ATP8A2: variants seen among roughly 807,000 people sequenced by gnomAD.
ATP8A2 encodes the protein phospholipid-transporting ATPase IB.
Under a neutral mutation model 165.6 loss-of-function variants are expected in ATP8A2, and 100 were observed. The observed-to-expected ratio is 0.60, with a 90% CI of 0.51 to 0.71. The LOEUF (loss-of-function observed/expected upper bound fraction) is 0.71, where lower values mean the gene tolerates loss of function less well. Ranked by LOEUF, ATP8A2 falls within the 30% of genes least tolerant of loss-of-function variation. The pLI is 0.00. For missense variants in ATP8A2, 1,227 were observed against 1,479.5 expected (o/e 0.83, Z 2.80); for synonymous variants, 543 against 548.8 (o/e 0.99, Z 0.15).
At position 26,023,960 on chromosome 13, in the gene ATP8A2, A is replaced by T. The variant is rs1217029653; in HGVS notation, c.*3975A>T. The T allele has an allele frequency of 6.6e-6, 1 of 152,234 alleles. No homozygotes were observed. The highest frequency in any genetic ancestry group is 2.4e-5 in the African/African-American group (1 of 41,452). 9.4% of individuals were successfully genotyped at this position (152,234 alleles called of 1,614,324 possible). On this transcript the variant is annotated 3_prime_UTR_variant, in exon 37 of 37. Transcript: ENST00000381655. ...GAAATGAGTTTATCAGGTCGAGTCA[A>T]AACATGGCATCCCCTGTTACACTCA...
chr13:25,778,385 G>A (rs1290841281), intron 27 of ATP8A2, among the ~76,000 whole-genome samples: 3 of 152,028 alleles, frequency 2.0e-5, no homozygotes, highest in Non-Finnish European at 4.4e-5. Context: ...AATAACTATT[G>A]GTTTGAGGGA....
chr13:25,749,701 C>T (rs888509617), intron 25 of ATP8A2, among the ~76,000 whole-genome samples: 2 of 152,116 alleles, frequency 1.3e-5, no homozygotes, highest in East Asian at 1.9e-4. Context: ...ACCAAGGCTG[C>T]GGTGTAGACA....
At chr13:25,547,439 A>G (rs916232366) in intron 10 of ATP8A2, among the ~76,000 whole-genome samples, 1 of 152,074 alleles carries the variant, frequency 6.6e-6, no homozygotes. Context: ...CTGCGCATAC[A>G]AGGGATCTAG....
chr13:25,617,828 C>A (rs1436299571), intron 24 of ATP8A2, among the ~76,000 whole-genome samples: 1 of 152,142 alleles, frequency 6.6e-6, no homozygotes, highest in Non-Finnish European at 1.5e-5. Context: ...CCTTTTTCAT[C>A]TGAGCTTCCT....
intron 1 of ATP8A2, among the ~76,000 whole-genome samples, chr13:25,396,960 G>A (rs148845166): frequency 2.0e-5 from 3 of 152,330 alleles, no homozygotes; most frequent in East Asian, 1.9e-4. Flanking sequence ...GCCCATGGCG[G>A]ACCAGTCCCT....
At chr13:25,781,076 A>G (rs1412839761) in intron 27 of ATP8A2, among the ~76,000 whole-genome samples, 1 of 152,162 alleles carries the variant, frequency 6.6e-6, no homozygotes, top group African/African-American at 2.4e-5. Context: ...CCTGGCTAAC[A>G]TGGTGAAACC....
chr13:25,864,365 TG>T (rs1410032476), intron 33 of ATP8A2, among the ~76,000 whole-genome samples: 2 of 152,178 alleles, frequency 1.3e-5, no homozygotes, highest in African/African-American at 4.8e-5. Flanking sequence ...ACTCCAAATG[TG>T]CGTGAATTAG....
chr13:25,438,598 A>T (rs1692006589), intron 1 of ATP8A2, among the ~76,000 whole-genome samples: 1 of 152,072 alleles, frequency 6.6e-6, no homozygotes, highest in Non-Finnish European at 1.5e-5. Context: ...CTATGGTTGC[A>T]CCAGTGCACT....
chr13:25,440,098 G>A (rs1004090464), intron 1 of ATP8A2, among the ~76,000 whole-genome samples: 1 of 151,846 alleles, frequency 6.6e-6, no homozygotes, highest in African/African-American at 2.4e-5. Context: ...TAGTGTTGGC[G>A]TAACTTAATT....
intron 2 of ATP8A2, among the ~76,000 whole-genome samples, chr13:25,475,709 C>T (rs945409189): frequency 6.6e-6 from 1 of 152,140 alleles, no homozygotes; most frequent in African/African-American, 2.4e-5. Flanking sequence ...AATAGCCATT[C>T]TGGTGGTGTG....
chr13:25,533,105 G>T (rs935626420), intron 5 of ATP8A2, among the ~76,000 whole-genome samples, 168 bp from the exon 6 acceptor site: 6 of 152,022 alleles, frequency 3.9e-5, no homozygotes, highest in African/African-American at 1.5e-4. Context: ...CATACCATAC[G>T]TTGGTGTTCC....
At chr13:25,551,127 TA>T (rs1414917908) in intron 10 of ATP8A2, among the ~76,000 whole-genome samples, 2 of 152,248 alleles carry the variant, frequency 1.3e-5, no homozygotes, top group Non-Finnish European at 2.9e-5. Flanking sequence ...ATGTGTTCTT[TA>T]AACTGGTAGA....
At chr13:25,896,793 T>G (rs1566248349) in intron 33 of ATP8A2, among the ~76,000 whole-genome samples, 3 of 152,210 alleles carry the variant, frequency 2.0e-5, no homozygotes, top group Non-Finnish European at 4.4e-5. Context: ...TGTAATGGCC[T>G]TCTTTGTCTC....
chr13:25,755,306 G>A (rs905821706), intron 25 of ATP8A2, among the ~76,000 whole-genome samples: 1 of 152,114 alleles, frequency 6.6e-6, no homozygotes, highest in African/African-American at 2.4e-5. Context: ...CTACAGAAAG[G>A]GAGGCATACT....
At chr13:25,594,982 GTGTATATATA>G (rs1384708661) in intron 24 of ATP8A2, among the ~76,000 whole-genome samples, 19 of 82,512 alleles carry the variant, frequency 2.3e-4, no homozygotes, top group African/African-American at 8.4e-4. Flanking sequence ...GTGTGTGTGT[GTGTATATATA>G]TATATATATA....
At chr13:25,541,007 G>T (rs1302037084) in intron 8 of ATP8A2, among the ~76,000 whole-genome samples, 1 of 151,746 alleles carries the variant, frequency 6.6e-6, no homozygotes, top group Non-Finnish European at 1.5e-5. Context: ...GACTACAGGT[G>T]CATGCTACTA....
intron 1 of ATP8A2, among the ~76,000 whole-genome samples, chr13:25,390,855 G>A (rs2033219309): frequency 6.6e-6 from 1 of 151,658 alleles, no homozygotes; most frequent in South Asian, 2.1e-4. Flanking sequence ...AACCCGGGAG[G>A]CAGAGGTTGC....
chr13:25,429,148 A>G (rs570471658), intron 1 of ATP8A2, among the ~76,000 whole-genome samples: 1 of 152,172 alleles, frequency 6.6e-6, no homozygotes, highest in East Asian at 1.9e-4. Flanking sequence ...CGGTTGGATC[A>G]CCTGAGGTCA....
At chr13:25,459,594 G>A (rs2035452940) in intron 1 of ATP8A2, among the ~76,000 whole-genome samples, 1 of 152,246 alleles carries the variant, frequency 6.6e-6, no homozygotes, top group African/African-American at 2.4e-5. Flanking sequence ...GGGAATAAGT[G>A]AGAAGGGGAA....
Sources: allele counts gnomAD v4.1 joint callset (sites outside exome capture counted in the v4.1 genomes callset), GRCh38; gene constraint gnomAD v4.1.1; transcripts MANE v1.5; gene names NCBI Gene and HGNC (gene_info 2026-07-23, HGNC 2026-07-21).